WASF1: variants seen among roughly 807,000 people sequenced by gnomAD.
The protein encoded by WASF1 is WASP family member 1, also known as actin-binding protein WASF1.
WASF1 carries 7 observed loss-of-function variants against 50.5 expected under a neutral mutation model. That is an observed-to-expected ratio of 0.14 (90% CI 0.08 to 0.26). The LOEUF is 0.26. Ranked by LOEUF, WASF1 falls within the 10% of genes least tolerant of loss-of-function variation. WASF1 has a pLI of 1.00. For missense variants in WASF1, 470 were observed against 694.7 expected, an observed-to-expected ratio of 0.68 and a Z score of 3.64; for synonymous variants, 205 against 244.0, an observed-to-expected ratio of 0.84 and a Z score of 1.49.
chr6:110,154,768 G>C (rs1775984142), intron 3 of WASF1, among the ~76,000 whole-genome samples: 1 of 151,964 alleles, frequency 6.6e-6, no homozygotes, highest in Non-Finnish European at 1.5e-5. Flanking sequence ...GGAGTCATTT[G>C]AAGATTTTAA....
intron 3 of WASF1, among the ~76,000 whole-genome samples, chr6:110,145,425 T>C (rs1343963337): frequency 6.6e-6 from 1 of 152,198 alleles, no homozygotes; most frequent in Non-Finnish European, 1.5e-5. Context: ...TTTGACTTCC[T>C]CTTTTCCTAA....
rs56948481 is a variant in WASF1, at chr6:110,118,347, C to CAAAA, written c.134-4891_134-4888dup. 8.5e-3 allele frequency among the ~76,000 whole-genome samples: 64 copies of CAAAA among 7,504 alleles called. 14 individuals carry two copies. Among genetic ancestry groups the CAAAA allele is most frequent in the Non-Finnish European group, 0.011 (45 of 3,930 alleles). 4.9% of individuals were successfully genotyped at this position (7,504 alleles called of 152,430 possible). On this transcript the variant is annotated intron_variant, in intron 4 of 10. Coordinates refer to ENST00000392589, the MANE Select transcript of WASF1 (RefSeq NM_003931.3). ...GAAGATCTACCAAGCAAACGGAAAG[C>CAAAA]AAAAAAAAAAAAAAAAAAAAAAAAA...
At chr6:110,170,160 G>A (rs1189591116) in intron 2 of WASF1, among the ~76,000 whole-genome samples, 1 of 152,030 alleles carries the variant, frequency 6.6e-6, no homozygotes, top group Non-Finnish European at 1.5e-5. Flanking sequence ...GCTAAGAGAG[G>A]AGAGAAAAGG....
At chr6:110,173,420 T>C (rs557613494) in intron 2 of WASF1, among the ~76,000 whole-genome samples, 1 of 152,260 alleles carries the variant, frequency 6.6e-6, no homozygotes, top group South Asian at 2.1e-4. Flanking sequence ...GTTTAAGAAA[T>C]GGTACCTTTG....
At chr6:110,105,754 C>T (rs1773295436) in intron 7 of WASF1, among the ~76,000 whole-genome samples, 175 bp from the exon 8 acceptor site, 1 of 152,206 alleles carries the variant, frequency 6.6e-6, no homozygotes, top group African/African-American at 2.4e-5. Flanking sequence ...CTTAGCCAGT[C>T]TGCTGTAATC....
intron 3 of WASF1, among the ~76,000 whole-genome samples, chr6:110,132,823 A>T (rs1485767632): frequency 6.6e-6 from 1 of 151,754 alleles, no homozygotes; most frequent in Non-Finnish European, 1.5e-5. Flanking sequence ...CACTTACAGT[A>T]ATAGTCTCCA....
At chr6:110,121,348 AC>A (rs1265302878) in intron 4 of WASF1, among the ~76,000 whole-genome samples, 26 of 152,256 alleles carry the variant, frequency 1.7e-4, no homozygotes, top group South Asian at 6.2e-4. Flanking sequence ...AAGAAAAAAA[AC>A]AACCCGATCA....
intron 4 of WASF1, among the ~76,000 whole-genome samples, chr6:110,123,057 T>C (rs560772909): frequency 2.4e-4 from 36 of 152,302 alleles, no homozygotes; most frequent in African/African-American, 8.2e-4. Context: ...GCTTTATCTA[T>C]ATCTGTCCAC....
chr6:110,107,626 T>A lies in WASF1; in HGVS notation c.423-432A>T, dbSNP rs189393702. On this transcript the variant is annotated intron_variant, in intron 6 of 10. Coordinates refer to ENST00000392589, the MANE Select transcript of WASF1 (RefSeq NM_003931.3). ...ATCTTACTAAATCCAAAAGATATCA[T>A]GTAATAGTCATTCTAACAGTCACAT... 1.6e-4 allele frequency among the ~76,000 whole-genome samples: 25 copies of A among 152,226 alleles called. 1 individual carries two copies. The highest frequency in any genetic ancestry group is 6.0e-4 in the African/African-American group (25 of 41,464).
chr6:110,146,026 A>G (rs1775544799), intron 3 of WASF1, among the ~76,000 whole-genome samples: 1 of 151,894 alleles, frequency 6.6e-6, no homozygotes, highest in South Asian at 2.1e-4. Context: ...AGATATACCT[A>G]ATGCTAAATG....
chr6:110,123,616 G>A (rs767980814), intron 4 of WASF1, among the ~76,000 whole-genome samples: 6 of 152,140 alleles, frequency 3.9e-5, no homozygotes, highest in Non-Finnish European at 8.8e-5. Context: ...GCCTTGAAGT[G>A]CACCTCATAC....
Position 110,108,686 on chromosome 6 carries a change from A to C in WASF1, c.269-5T>G, listed in dbSNP as rs781439389. 6.2e-7 allele frequency: 1 copy of C among 1,607,364 alleles called. No homozygotes were observed. The highest frequency in any genetic ancestry group is 1.7e-5 in the Admixed American group (1 of 58,400). ...TTGTTATATCTTGCAAAGACACTAA[A>C]ACAAAAATCAAGAATTCATTTTATT... On this transcript the variant is annotated splice_polypyrimidine_tract_variant and splice_region_variant and intron_variant, in intron 5 of 10. Coordinates refer to ENST00000392589, the MANE Select transcript of WASF1 (RefSeq NM_003931.3).
intron 4 of WASF1, among the ~76,000 whole-genome samples, chr6:110,115,352 C>G (rs1422375433): frequency 1.3e-5 from 2 of 152,024 alleles, no homozygotes; most frequent in South Asian, 2.1e-4. Flanking sequence ...ATCTATAAAG[C>G]TGCTAACCTC....
At position 110,100,695 on chromosome 6, in the gene WASF1, C is replaced by CA; in HGVS notation, c.1523-17dup. 6.3e-7 allele frequency: 1 copy of CA among 1,582,884 alleles called. No homozygotes were observed. The highest frequency in any genetic ancestry group is 2.3e-5 in the East Asian group (1 of 43,856). On this transcript the variant is annotated splice_polypyrimidine_tract_variant and intron_variant, in intron 10 of 10. Transcript: ENST00000392589. ...AGCTGAATACCTGATACAGTGAATC[C>CA]AAACCATTCATTTAAATCAAAATAC...
chr6:110,148,145 C>G (rs74678941), intron 3 of WASF1, among the ~76,000 whole-genome samples: 11,046 of 152,178 alleles, frequency 0.073, 531 homozygotes, highest in African/African-American at 0.14. Context: ...ACAAGATTGT[C>G]TTCTTCATAT....
chr6:110,124,249 T>TCCTTCCTCTCTCTCC (rs1562170348), intron 4 of WASF1, among the ~76,000 whole-genome samples: 1 of 46,902 alleles, frequency 2.1e-5, no homozygotes, highest in Non-Finnish European at 3.7e-5. Context: ...TCTCTCTCTC[T>TCCTTCCTCTCTCTCC]CTCTCTCTCT....
chr6:110,113,384 T>G lies in WASF1; in HGVS notation c.210A>C (p.Gln70His), dbSNP rs1234419790. Residue 70 changes from glutamine (Q) to histidine (H), a missense_variant, in exon 5 of 11, where the codon CAA (glutamine) becomes CAC (histidine). By Grantham distance (24) the Gln-to-His change is conservative. Coordinates refer to ENST00000392589, the MANE Select transcript of WASF1 (RefSeq NM_003931.3). ...HSFSFRVNSL[Q>H]ERVDRLSVSV... is the part of the protein sequence containing the mutation. ...TAACAGATAAACGGTCCACACGTTC[T>G]TGCAATGAGTTGACTCTGAAGGAAA... 21 of 1,606,648 alleles carry G rather than the reference T, an allele frequency of 1.3e-5. No homozygotes were observed. Among genetic ancestry groups the G allele is most frequent in the Non-Finnish European group, 1.8e-5 (21 of 1,176,950 alleles).
At chr6:110,115,024 C>G (rs536977885) in intron 4 of WASF1, among the ~76,000 whole-genome samples, 2 of 150,264 alleles carry the variant, frequency 1.3e-5, no homozygotes, top group South Asian at 4.2e-4. Context: ...CCTAGGAGGT[C>G]GAGGCTATTG....
chr6:110,165,154 T>C (rs1030865247), intron 2 of WASF1, among the ~76,000 whole-genome samples: 24 of 151,688 alleles, frequency 1.6e-4, no homozygotes, highest in Non-Finnish European at 2.4e-4. Context: ...CCATCAAATG[T>C]ACAACACCAA....
Sources: gnomAD v4.1 joint callset for allele counts (sites outside exome capture counted in the v4.1 genomes callset) on GRCh38, gnomAD v4.1.1 for gene constraint, MANE v1.5 for transcripts, NCBI Gene and HGNC (gene_info 2026-07-23, HGNC 2026-07-21) for gene names.